LAMA1: variants seen among roughly 807,000 people sequenced by gnomAD.
The protein encoded by LAMA1 is laminin subunit alpha-1.
A neutral mutation model predicts 348.7 loss-of-function variants in LAMA1; 219 were observed. The ratio of observed to expected loss-of-function variants is 0.63; its 90% CI spans 0.56 to 0.70. The LOEUF is 0.70. LAMA1 is among the 30% of genes least tolerant of loss of function. LAMA1 has a pLI of 0.00. For missense variants in LAMA1, 3,744 were observed against 3,888.0 expected (o/e 0.96, Z 0.99); for synonymous variants, 1,487 against 1,491.0 (o/e 1.00, Z 0.06).
chr18:7,034,666 G>C lies in LAMA1; in HGVS notation c.1864C>G (p.Gln622Glu). Residue 622 changes from glutamine (Q) to glutamate (E), a missense_variant, in exon 14 of 63, where the codon CAG (glutamine) becomes GAG (glutamate). Gln to Glu is a conservative substitution (Grantham distance 29, BLOSUM62 2). Around this residue, in one of 3 missense-constraint regions of LAMA1, gnomAD observed 1,529 missense variants for 1,689.4 expected, o/e 0.91. Transcript: ENST00000389658. The stretch of plus-strand genomic sequence containing the variant: ...GGCTGCAATGACAGACCCTCAGCCT[G>C]TGTGCTTAAAGTGAGTCCGTTTCCC... ...IKGNGLTLST[Q>E]AEGLSLQPYE... is the part of the protein sequence containing the mutation. The C allele has an allele frequency of 6.2e-7, 1 of 1,614,068 alleles. No homozygotes were observed.
chr18:6,954,345 C>T (rs1390241800), intron 57 of LAMA1: 1 of 152,188 alleles, frequency 6.6e-6, no homozygotes, highest in Non-Finnish European at 1.5e-5. Context: ...TTGCAGAGGA[C>T]ACCTGTAACA....
At position 7,025,987 on chromosome 18, in the gene LAMA1, G is replaced by C. The variant is rs1159938528; in HGVS notation, c.2394C>G (p.Ala798=). The C allele has an allele frequency of 6.2e-7, 1 of 1,607,934 alleles. No homozygotes were observed. The highest frequency in any genetic ancestry group is 2.2e-5 in the East Asian group (1 of 44,728). ...TGAGGTCCGAGGCTTACTTGTTGGA[G>C]GCTATGGTGAGAGGGCAGGCGCAGG... The part of the protein sequence containing the change: ...CQPCACPLTI[A]SNNFSPTCHL... Residue 798 remains alanine, a synonymous_variant, in exon 17 of 63, where the codon GCC becomes GCG. Coordinates refer to ENST00000389658, the MANE Select transcript of LAMA1 (RefSeq NM_005559.4).
rs12957332 is a variant in LAMA1, at chr18:7,051,043, A to T, written c.346-107T>A. 2.8e-6 allele frequency: 4 copies of T among 1,414,642 alleles called. No individual in the cohort carries two copies. The African/African-American group carries it at 5.7e-5, about 20-fold the overall frequency. 87.6% of individuals were successfully genotyped at this position (1,414,642 alleles called of 1,614,324 possible). On this transcript the variant is annotated intron_variant, in intron 3 of 62. Coordinates refer to ENST00000389658, the MANE Select transcript of LAMA1 (RefSeq NM_005559.4). ...TAAAGGTAGAATCTAAGATAGTTGA[A>T]CTTAGAATCAGACAGTAGAATGGTG...
chr18:6,963,269 C>T (rs2057616903), intron 51 of LAMA1, among the ~76,000 whole-genome samples: 1 of 152,166 alleles, frequency 6.6e-6, no homozygotes, highest in East Asian at 1.9e-4. Context: ...GCCGTCTGGG[C>T]AAAGTCCAGA....
At chr18:6,951,013 A>C in intron 57 of LAMA1, 42 bp from the exon 58 acceptor site, 1 of 1,574,286 alleles carries the variant, frequency 6.4e-7, no homozygotes, top group African/African-American at 1.3e-5. Context: ...GGAAACTTTT[A>C]CTTTTCATTT....
intron 55 of LAMA1, among the ~76,000 whole-genome samples, chr18:6,958,261 T>A (rs1450577634): frequency 1.3e-5 from 2 of 152,142 alleles, no homozygotes; most frequent in African/African-American, 4.8e-5. Flanking sequence ...TGTTCAGCGA[T>A]GGTTTTTAAA....
chr18:7,073,822 T>TTGTGTGTGTGTGTGTGTGTG (rs112415914), intron 3 of LAMA1, among the ~76,000 whole-genome samples: 3 of 139,808 alleles, frequency 2.1e-5, no homozygotes, highest in African/African-American at 7.7e-5. Flanking sequence ...ACCATACTGG[T>TTGTGTGTGTGTGTGTGTGTG]TGTGTGTGTG....
rs938772099 is a variant in LAMA1, at chr18:6,974,599, G to A, written c.6623+304C>T. On this transcript the variant is annotated intron_variant, in intron 46 of 62. Transcript: ENST00000389658. ...AGTCTCTTGAGTAGCTGGGATTACA[G>A]GCACCCACCACCACGCCCAGCTAAT... is the stretch of plus-strand genomic sequence containing the variant. Among the ~76,000 whole-genome samples, 8 of 151,792 alleles carry A rather than the reference G, an allele frequency of 5.3e-5. 1 individual carries two copies. The highest frequency in any genetic ancestry group is 1.2e-4 in the Non-Finnish European group (8 of 67,976).
At position 7,034,460 on chromosome 18, in the gene LAMA1, C is replaced by T. The variant is rs1421548111; in HGVS notation, c.2051+19G>A. 1.3e-6 allele frequency: 2 copies of T among 1,594,248 alleles called. No homozygotes were observed. The highest frequency in any genetic ancestry group is 1.1e-5 in the South Asian group (1 of 90,550). On this transcript the variant is annotated intron_variant, in intron 14 of 62. Coordinates refer to ENST00000389658, the MANE Select transcript of LAMA1 (RefSeq NM_005559.4). Reference sequence around the variant, plus strand: ...GAAGTACCTTCACCGTAAGTTTTTCCTCCATTTTCAATACATACCTGTAAA... The same window carrying T: ...GAAGTACCTTCACCGTAAGTTTTTCTTCCATTTTCAATACATACCTGTAAA...
At chr18:7,065,245 A>C (rs1457941265) in intron 3 of LAMA1, among the ~76,000 whole-genome samples, 1 of 151,410 alleles carries the variant, frequency 6.6e-6, no homozygotes, top group African/African-American at 2.4e-5. Context: ...AAAAAAAAAA[A>C]AAAAAAAACA....
intron 3 of LAMA1, among the ~76,000 whole-genome samples, chr18:7,068,192 T>G (rs1240446804): frequency 6.6e-6 from 1 of 152,126 alleles, no homozygotes; most frequent in East Asian, 1.9e-4. Context: ...CCTTCTGAAG[T>G]GTTCTCTGTG....
intron 57 of LAMA1, among the ~76,000 whole-genome samples, chr18:6,951,510 G>C (rs553127956): frequency 6.6e-6 from 1 of 152,336 alleles, no homozygotes; most frequent in Admixed American, 6.5e-5. Flanking sequence ...GACAGCACCA[G>C]GGCAGATGTG....
intron 52 of LAMA1, 85 bp from the exon 53 acceptor site, chr18:6,961,844 T>C (rs2057609426): frequency 6.4e-7 from 1 of 1,564,072 alleles, no homozygotes; most frequent in African/African-American, 1.4e-5. Flanking sequence ...GATTTCCCCA[T>C]CATCTCTTTT....
intron 32 of LAMA1, among the ~76,000 whole-genome samples, chr18:6,998,116 G>A (rs923411428): frequency 2.0e-5 from 3 of 152,160 alleles, no homozygotes; most frequent in African/African-American, 4.8e-5. Context: ...GATCAGATAA[G>A]TAACTTCCCA....
At chr18:6,998,754 C>T (rs1005136535) in intron 32 of LAMA1, among the ~76,000 whole-genome samples, 11 of 152,164 alleles carry the variant, frequency 7.2e-5, no homozygotes, top group African/African-American at 2.4e-4. Flanking sequence ...CACGACAGGC[C>T]GGGCATGGTG....
In LAMA1 at chr18:7,038,819, A is replaced by C; in HGVS notation, c.1554T>G (p.Pro518=). 1 of 1,614,180 alleles carries C rather than the reference A, an allele frequency of 6.2e-7. No individual in the cohort carries two copies. Among genetic ancestry groups the C allele is most frequent in the East Asian group, 2.2e-5 (1 of 44,872 alleles). ...AGATGGCGCCTCCCACCTGACCAAC[A>C]GGCCAAGAGAGGCTGCTGCAGACAT... ...VSDVCSSLSW[P]VGQVNSMSGW... The change falls in exon 11 of 63, where the codon CCT becomes CCG. Residue 518 remains proline (P), a synonymous_variant. Transcript: ENST00000389658.
chr18:6,986,489 T>C (rs888237164), intron 36 of LAMA1, 142 bp from the exon 37 acceptor site: 5 of 728,958 alleles, frequency 6.9e-6, no homozygotes, highest in East Asian at 2.7e-5. Flanking sequence ...TTCTTAAGAA[T>C]GGAAACAATT....
chr18:7,018,780 C>T (rs2057901890), intron 19 of LAMA1, among the ~76,000 whole-genome samples: 1 of 152,140 alleles, frequency 6.6e-6, no homozygotes, highest in African/African-American at 2.4e-5. Flanking sequence ...GAGAGAAAAA[C>T]TTCACAAATA....
intron 3 of LAMA1, among the ~76,000 whole-genome samples, chr18:7,058,767 G>A (rs2058091918): frequency 6.6e-6 from 1 of 152,214 alleles, no homozygotes; most frequent in African/African-American, 2.4e-5. Context: ...AAGCTGTCCA[G>A]TTGGTGCTAC....
Sources: allele counts gnomAD v4.1 joint callset (sites outside exome capture counted in the v4.1 genomes callset), GRCh38; gene constraint gnomAD v4.1.1; regional missense constraint gnomAD v4.1.1; transcripts MANE v1.5; gene names NCBI Gene and HGNC (gene_info 2026-07-23, HGNC 2026-07-21).